VCAN: variants seen among roughly 807,000 people sequenced by gnomAD.
VCAN encodes the protein versican core protein.
Under a neutral mutation model 245.5 loss-of-function variants are expected in VCAN, and 44 were observed. That is an observed-to-expected ratio of 0.18 (90% CI 0.14 to 0.23). VCAN has a LOEUF of 0.23. Ranked by LOEUF, VCAN falls within the 10% of genes least tolerant of loss-of-function variation. The pLI is 1.00. For missense variants in VCAN, 3,793 were observed against 4,057.9 expected (o/e 0.93, Z 1.77); for synonymous variants, 1,413 against 1,437.0 (o/e 0.98, Z 0.38).
intron 1 of VCAN, among the ~76,000 whole-genome samples, chr5:83,473,124 G>A (rs374675315): frequency 6.6e-6 from 1 of 152,166 alleles, no homozygotes; most frequent in African/African-American, 2.4e-5. Context: ...AGCCCCGGGG[G>A]ACGTCCTCGG....
chr5:83,537,885 G>A lies in VCAN; in HGVS notation c.4882G>A (p.Val1628Ile), dbSNP rs746071223. 44 of 1,613,874 alleles carry A rather than the reference G, an allele frequency of 2.7e-5. No individual in the cohort carries two copies. Among genetic ancestry groups the A allele is most frequent in the Middle Eastern group, 3.3e-4 (2 of 6,082 alleles). Residue 1628 changes from valine to isoleucine, a missense_variant, in exon 8 of 15, where the codon GTA (valine) becomes ATA (isoleucine). This residue lies in a region of VCAN where 3,182 missense variants were observed against 3,250.3 expected (regional missense o/e 0.98). Coordinates refer to ENST00000265077, the MANE Select transcript of VCAN (RefSeq NM_004385.5). ...SWVEATPRQV[V>I]ELSGSSSIPI... is the part of the protein sequence containing the mutation. ...GGTAGAAGCAACTCCTAGACAAGTT[G>A]TAGAGCTCTCAGGGAGTTCTTCGAT...
intron 12 of VCAN, among the ~76,000 whole-genome samples, chr5:83,563,547 A>T (rs143135298): frequency 4.9e-4 from 75 of 152,302 alleles, no homozygotes; most frequent in African/African-American, 1.8e-3. Flanking sequence ...TCTGTTTGTT[A>T]TTTAGTGAAA....
Position 83,522,005 on chromosome 5 carries a change from A to G in VCAN, c.3699A>G (p.Pro1233=), listed in dbSNP as rs759817322. ...CATCTTCCGCGATCACTAAGAAACCACCTCTCATCGACAGGGAACCTGGTG... is the reference window on the plus strand; with the variant it reads ...CATCTTCCGCGATCACTAAGAAACCGCCTCTCATCGACAGGGAACCTGGTG... ...FKPSSAITKK[P]PLIDREPGEE... Residue 1233 remains proline (P), a synonymous_variant, in exon 7 of 15, where the codon CCA becomes CCG. Coordinates refer to ENST00000265077, the MANE Select transcript of VCAN (RefSeq NM_004385.5). 3 of 1,614,096 alleles carry G rather than the reference A, an allele frequency of 1.9e-6. No individual in the cohort carries two copies.
At chr5:83,486,938 AG>A (rs1472567600) in intron 2 of VCAN, among the ~76,000 whole-genome samples, 6 of 152,236 alleles carry the variant, frequency 3.9e-5, no homozygotes, top group African/African-American at 1.4e-4. Context: ...TTTCATCTTA[AG>A]GTTTTTTTCT....
intron 5 of VCAN, among the ~76,000 whole-genome samples, chr5:83,501,757 G>T (rs1745335520): frequency 6.6e-6 from 1 of 152,078 alleles, no homozygotes; most frequent in African/African-American, 2.4e-5. Flanking sequence ...TTTCAAAATT[G>T]TTTTAGTATT....
chr5:83,509,797 G>A lies in VCAN; in HGVS notation c.749-2306G>A, dbSNP rs141714044. On this transcript the variant is annotated intron_variant, in intron 5 of 14. Coordinates refer to ENST00000265077, the MANE Select transcript of VCAN (RefSeq NM_004385.5). ...GGTGAAGGAGGCTGTTCAGGATGAC[G>A]TAATTTCTCTGTCTGCCTTTCTCCA... 7.9e-5 allele frequency among the ~76,000 whole-genome samples: 12 copies of A among 152,290 alleles called. No individual in the cohort carries two copies. The East Asian group carries it at 1.7e-3, about 22-fold the overall frequency.
At position 83,537,367 on chromosome 5, in the gene VCAN, T is replaced by C. The variant is rs754945349; in HGVS notation, c.4364T>C (p.Val1455Ala). 4 of 1,614,032 alleles carry C rather than the reference T, an allele frequency of 2.5e-6. No homozygotes were observed. In the South Asian group the frequency reaches 4.4e-5, roughly 18 times the overall value. Residue 1455 changes from valine to alanine, a missense_variant, in exon 8 of 15, where the codon GTA becomes GCA. Coordinates refer to ENST00000265077, the MANE Select transcript of VCAN (RefSeq NM_004385.5). ...DSSESDTHPF[V>A]IAKTELSTAV... ...TCTGAAAGTGATACTCATCCATTTGTAATAGCCAAAACGGAATTGTCTACT... is the reference window on the plus strand; with the variant it reads ...TCTGAAAGTGATACTCATCCATTTGCAATAGCCAAAACGGAATTGTCTACT...
At chr5:83,536,635 T>C (rs929582549) in intron 7 of VCAN, 1 of 158,340 alleles carries the variant, frequency 6.3e-6, no homozygotes, top group Non-Finnish European at 1.4e-5. Context: ...AATTTTTAAA[T>C]TGTTTTTATA....
Position 83,521,525 on chromosome 5 carries a change from T to C in VCAN, c.3219T>C (p.Tyr1073=), listed in dbSNP as rs772221410. The part of the protein sequence containing the change: ...LDEQEGDGSA[Y]TVSEDELLTG... ...AACAAGAGGGCGATGGATCAGCATA[T>C]ACAGTCTCTGAAGATGAATTGTTGA... is the stretch of plus-strand genomic sequence containing the variant. Residue 1073 remains tyrosine (Y), a synonymous_variant, in exon 7 of 15, where the codon TAT becomes TAC. Coordinates refer to ENST00000265077, the MANE Select transcript of VCAN (RefSeq NM_004385.5). 6.2e-7 allele frequency: 1 copy of C among 1,614,042 alleles called. No homozygotes were observed. Among genetic ancestry groups the C allele is most frequent in the Non-Finnish European group, 8.5e-7 (1 of 1,180,000 alleles).
At position 83,537,822 on chromosome 5, in the gene VCAN, C is replaced by A. The variant is rs754532087; in HGVS notation, c.4819C>A (p.Pro1607Thr). The A allele has an allele frequency of 3.1e-6, 5 of 1,614,028 alleles. No homozygotes were observed. Among genetic ancestry groups the A allele is most frequent in the Non-Finnish European group, 4.2e-6 (5 of 1,179,962 alleles). ...EEEAVTLIGN[P>T]WPDDLLSTKE... ...AGAAGCAGTTACCCTAATAGGAAAT[C>A]CTTGGCCAGATGACCTGTTGTCTAC... Residue 1607 changes from proline (P) to threonine (T), a missense_variant, in exon 8 of 15, where the codon CCT becomes ACT. Pro to Thr is a conservative substitution (Grantham distance 38, BLOSUM62 -1). This residue lies in a region of VCAN where 3,182 missense variants were observed against 3,250.3 expected (regional missense o/e 0.98). Transcript: ENST00000265077.
intron 3 of VCAN, 30 bp downstream of exon 3, chr5:83,490,502 G>GTA (rs1561228723): frequency 3.7e-6 from 6 of 1,612,344 alleles, no homozygotes; most frequent in Non-Finnish European, 5.1e-6. Flanking sequence ...CAAGAAGGTA[G>GTA]TATAACATGA....
intron 1 of VCAN, among the ~76,000 whole-genome samples, chr5:83,472,609 G>C (rs754541729): frequency 4.6e-5 from 7 of 152,136 alleles, no homozygotes; most frequent in Non-Finnish European, 1.0e-4. Context: ...GCGCGGACCT[G>C]ACCCCTTCAG....
At position 83,558,395 on chromosome 5, in the gene VCAN, G is replaced by T. The variant is rs538041842; in HGVS notation, c.9735+3357G>T. Among the ~76,000 whole-genome samples the T allele has an allele frequency of 2.6e-5, 4 of 152,180 alleles. No individual in the cohort carries two copies. In the South Asian group the frequency reaches 8.3e-4, roughly 32 times the overall value. The stretch of plus-strand genomic sequence containing the variant: ...AAGGACTTTGTTTATGTTTTGGAGT[G>T]ATTTCTCTCCTCTTCCACACCCTCT... On this transcript the variant is annotated intron_variant, in intron 12 of 14. Transcript: ENST00000265077.
At chr5:83,488,964 C>T (rs1162649723) in intron 2 of VCAN, among the ~76,000 whole-genome samples, 1 of 152,112 alleles carries the variant, frequency 6.6e-6, no homozygotes, top group Non-Finnish European at 1.5e-5. Flanking sequence ...ATAGTATCTT[C>T]TTGCAATTTT....
chr5:83,473,408 C>A lies in VCAN; in HGVS notation c.-7+1385C>A, dbSNP rs190400002. On this transcript the variant is annotated intron_variant, in intron 1 of 14. Transcript: ENST00000265077. ...ATCTACACGGCGCCTGGAGAGTTGT[C>A]CTGCCGCGCGCACACCCGCGGCAGA... Among the ~76,000 whole-genome samples the A allele has an allele frequency of 1.7e-3, 262 of 152,244 alleles. 2 individuals carry two copies. Among genetic ancestry groups the A allele is most frequent in the African/African-American group, 6.0e-3 (251 of 41,550 alleles).
rs775933485 is a variant in VCAN at position 83,580,038 on chromosome 5, T to A, written c.9939T>A (p.Pro3313=). The A allele has an allele frequency of 6.2e-7, 1 of 1,614,126 alleles. No homozygotes were observed. Among genetic ancestry groups the A allele is most frequent in the South Asian group, 1.1e-5 (1 of 91,082 alleles). The part of the protein sequence containing the change: ...ENAKTFGKMK[P]RYEINSLIRY... ...CCAAGACCTTTGGAAAGATGAAACC[T>A]CGTTATGAAATCAACTCCCTGATTA... Residue 3313 remains proline, a synonymous_variant, in exon 14 of 15, where the codon CCT becomes CCA. Coordinates refer to ENST00000265077, the MANE Select transcript of VCAN (RefSeq NM_004385.5).
intron 1 of VCAN, among the ~76,000 whole-genome samples, chr5:83,480,858 A>G (rs560944637): frequency 6.6e-6 from 1 of 152,350 alleles, no homozygotes; most frequent in South Asian, 2.1e-4. Context: ...ATATGAAACT[A>G]TGTTAGAACA....
At chr5:83,490,524 G>T in intron 3 of VCAN, 52 bp downstream of exon 3, 1 of 1,606,982 alleles carries the variant, frequency 6.2e-7, no homozygotes, top group South Asian at 1.1e-5. Context: ...ACCTGGTTCA[G>T]AAGCATTGAG....
chr5:83,486,768 T>C (rs1013161090), intron 2 of VCAN, among the ~76,000 whole-genome samples: 9 of 152,222 alleles, frequency 5.9e-5, no homozygotes, highest in Admixed American at 1.3e-4. Flanking sequence ...TCTTTGTAAA[T>C]CCATGATCAC....
Sources: gnomAD v4.1 joint callset for allele counts (sites outside exome capture counted in the v4.1 genomes callset) on GRCh38, gnomAD v4.1.1 for gene constraint, gnomAD v4.1.1 regional missense constraint, MANE v1.5 for transcripts, NCBI Gene and HGNC (gene_info 2026-07-23, HGNC 2026-07-21) for gene names.